The following CEPT1 variants were observed in gnomAD, a reference collection of about 807,000 sequenced individuals.
The protein encoded by CEPT1 is choline/ethanolaminephosphotransferase 1.
Under a neutral mutation model 42.6 loss-of-function variants are expected in CEPT1, and 7 were observed. The observed-to-expected ratio is 0.16, with a 90% confidence interval of 0.09 to 0.31. The LOEUF is 0.31. Among genes scored for constraint, CEPT1 ranks in the 10% least tolerant of loss-of-function variants. The pLI, the probability that CEPT1 is intolerant of heterozygous loss-of-function variation, is 1.00. For missense variants in CEPT1, 306 were observed against 502.1 expected, an observed-to-expected ratio of 0.61 and a Z score of 3.73; for synonymous variants, 171 against 171.9, an observed-to-expected ratio of 0.99 and a Z score of 0.04.
At chr1:111,141,452 A>G (rs1357499198) in intron 1 of CEPT1, among the ~76,000 whole-genome samples, 1 of 152,188 alleles carries the variant, frequency 6.6e-6, no homozygotes, top group African/African-American at 2.4e-5. Flanking sequence ...ATTTTATTGC[A>G]CAATTTCTTT....
intron 6 of CEPT1, 52 bp downstream of exon 6, chr1:111,182,370 G>A (rs1052203610): frequency 6.5e-7 from 1 of 1,550,252 alleles, no homozygotes; most frequent in Non-Finnish European, 8.8e-7. Context: ...ACTTGGTTTT[G>A]TTGTCATTTT....
rs545105653 is a variant in CEPT1, at chr1:111,176,305, T to A, written c.714+1342T>A. Among the ~76,000 whole-genome samples the A allele has an allele frequency of 3.5e-3, 539 of 152,306 alleles. 5 individuals are homozygous for A. Among genetic ancestry groups the A allele is most frequent in the African/African-American group, 0.012 (508 of 41,556 alleles). On this transcript the variant is annotated intron_variant, in intron 5 of 8. Transcript: ENST00000357172. The stretch of plus-strand genomic sequence containing the variant: ...TTGCTCTTCAGTAGACTAGTTCTTT[T>A]TTTTAATAACAGTTTTGCCTTATGG...
chr1:111,165,116 C>G (rs1173672926), intron 4 of CEPT1, among the ~76,000 whole-genome samples: 2 of 123,980 alleles, frequency 1.6e-5, no homozygotes, highest in African/African-American at 3.2e-5. Context: ...GTGGTGCGAT[C>G]TCGACTCACT....
chr1:111,155,908 A>G (rs1027342350), intron 2 of CEPT1, among the ~76,000 whole-genome samples: 3 of 151,902 alleles, frequency 2.0e-5, no homozygotes, highest in African/African-American at 7.3e-5. Flanking sequence ...TATATATTCT[A>G]TTTCATTTAG....
intron 2 of CEPT1, among the ~76,000 whole-genome samples, chr1:111,148,659 A>G (rs1356058664): frequency 2.0e-5 from 3 of 152,348 alleles, no homozygotes; most frequent in Admixed American, 2.0e-4. Flanking sequence ...AAAGACTCAC[A>G]CAGGCCTTCT....
At chr1:111,154,800 A>G (rs1655470270) in intron 2 of CEPT1, among the ~76,000 whole-genome samples, 1 of 152,160 alleles carries the variant, frequency 6.6e-6, no homozygotes, top group African/African-American at 2.4e-5. Flanking sequence ...ATTGATTTGC[A>G]TATGTTGGAC....
At chr1:111,166,749 G>C (rs968324913) in intron 4 of CEPT1, among the ~76,000 whole-genome samples, 20 of 152,168 alleles carry the variant, frequency 1.3e-4, no homozygotes, top group Admixed American at 2.6e-4. Context: ...ATCAGTTCTG[G>C]TGCTAAAGGG....
intron 4 of CEPT1, among the ~76,000 whole-genome samples, chr1:111,165,903 A>T (rs549465764): frequency 6.6e-6 from 1 of 152,344 alleles, no homozygotes; most frequent in African/African-American, 2.4e-5. Flanking sequence ...TGATTTTTAA[A>T]GAATAATTAT....
chr1:111,153,345 A>G (rs1655387996), intron 2 of CEPT1, among the ~76,000 whole-genome samples: 1 of 152,172 alleles, frequency 6.6e-6, no homozygotes, highest in African/African-American at 2.4e-5. Flanking sequence ...AGTAGCTGGC[A>G]TTACAGGCAT....
chr1:111,175,015 G>A, intron 5 of CEPT1, 52 bp downstream of exon 5: 1 of 1,112,646 alleles, frequency 9.0e-7, no homozygotes, highest in African/African-American at 1.5e-5. Flanking sequence ...TCTTTTGCTT[G>A]TGTTTTCTAA....
At chr1:111,165,044 CTTTT>C (rs11323094) in intron 4 of CEPT1, among the ~76,000 whole-genome samples, 1 of 83,968 alleles carries the variant, frequency 1.2e-5, no homozygotes, top group Non-Finnish European at 2.1e-5. Flanking sequence ...AAACATCGGT[CTTTT>C]TTTTTTTTTT....
intron 5 of CEPT1, among the ~76,000 whole-genome samples, chr1:111,176,276 A>G (rs1656672611): frequency 6.6e-6 from 1 of 152,172 alleles, no homozygotes; most frequent in South Asian, 2.1e-4. Flanking sequence ...GAATTTTATT[A>G]CTTTTGCTCT....
intron 2 of CEPT1, among the ~76,000 whole-genome samples, chr1:111,149,886 A>G (rs2101249671): frequency 6.6e-6 from 1 of 152,358 alleles, no homozygotes; most frequent in Non-Finnish European, 1.5e-5. Flanking sequence ...GGAACACCAC[A>G]GAGTATATCA....
At chr1:111,158,492 T>C (rs1655691298) in intron 2 of CEPT1, among the ~76,000 whole-genome samples, 1 of 152,226 alleles carries the variant, frequency 6.6e-6, no homozygotes. Flanking sequence ...GGATATCATT[T>C]CCTAGTGTTA....
intron 3 of CEPT1, chr1:111,160,886 A>G: frequency 2.2e-6 from 1 of 458,530 alleles, no homozygotes; most frequent in Non-Finnish European, 3.9e-6. Flanking sequence ...AAGTCAGGAA[A>G]ATACTCGAAG....
rs201575921 is a variant in CEPT1 at position 111,158,362 on chromosome 1, A to T, written c.340-1018A>T. On this transcript the variant is annotated intron_variant, in intron 2 of 8. Transcript: ENST00000357172. ...GAGCAAGACTCCATCTCAAATAAATAAATAAATTAATTAATTAATTTAATA... is the reference window on the plus strand; with the variant it reads ...GAGCAAGACTCCATCTCAAATAAATTAATAAATTAATTAATTAATTTAATA... 1.5e-3 allele frequency among the ~76,000 whole-genome samples: 232 copies of T among 152,174 alleles called. 1 individual carries two copies. The East Asian group carries it at 0.022, about 14-fold the overall frequency.
chr1:111,145,999 T>C (rs938535803), intron 1 of CEPT1, among the ~76,000 whole-genome samples: 1 of 152,226 alleles, frequency 6.6e-6, no homozygotes, highest in African/African-American at 2.4e-5. Flanking sequence ...GGGACTTTGA[T>C]TCTGCTTTGT....
chr1:111,179,324 A>G (rs549685746), intron 5 of CEPT1: 1 of 152,338 alleles, frequency 6.6e-6, no homozygotes, highest in East Asian at 1.9e-4. Flanking sequence ...GCTGTAGGAC[A>G]GACACCATGG....
chr1:111,164,255 C>T (rs1276937787), intron 4 of CEPT1, among the ~76,000 whole-genome samples: 4 of 152,308 alleles, frequency 2.6e-5, no homozygotes, highest in East Asian at 1.9e-4. Context: ...TTATGAGCTA[C>T]GTCTTCCAGC....
Sources: gnomAD v4.1 joint callset for allele counts (sites outside exome capture counted in the v4.1 genomes callset) on GRCh38, gnomAD v4.1.1 for gene constraint, MANE v1.5 for transcripts, NCBI Gene and HGNC (gene_info 2026-07-23, HGNC 2026-07-21) for gene names.